Variants in SDHAF2 observed in about 807,000 individuals in gnomAD.
The protein encoded by SDHAF2 is succinate dehydrogenase assembly factor 2, mitochondrial.
In SDHAF2, 21 loss-of-function variants were observed where a neutral mutation model predicts 18.5. The observed-to-expected ratio is 1.13, with a 90% CI of 0.80 to 1.63. The LOEUF is 1.63. SDHAF2 is among the 40% of genes most tolerant of loss of function. SDHAF2 has a pLI of 0.00. For missense variants in SDHAF2, 195 were observed against 200.3 expected (o/e 0.97, Z 0.16); for synonymous variants, 84 against 70.7 (o/e 1.19, Z -0.94).
intron 3 of SDHAF2, among the ~76,000 whole-genome samples, chr11:61,439,693 C>G (rs1347246098): frequency 6.6e-6 from 1 of 152,234 alleles, no homozygotes; most frequent in Non-Finnish European, 1.5e-5. Context: ...CAAATATTTA[C>G]TCTCCAACCC....
At chr11:61,439,455 A>C (rs181452809) in intron 3 of SDHAF2, among the ~76,000 whole-genome samples, 2 of 152,346 alleles carry the variant, frequency 1.3e-5, no homozygotes, top group East Asian at 3.9e-4. Flanking sequence ...AAGGAAAAAT[A>C]ATATAGTCTA....
chr11:61,444,774 C>T (rs1481403890), intron 3 of SDHAF2, among the ~76,000 whole-genome samples: 20 of 152,068 alleles, frequency 1.3e-4, no homozygotes, highest in Admixed American at 1.3e-3. Context: ...AGCTGAATTC[C>T]TTTTACCCAT....
intron 3 of SDHAF2, 163 bp downstream of exon 3, chr11:61,438,276 T>G (rs1469190339): frequency 4.5e-6 from 3 of 671,860 alleles, no homozygotes; most frequent in Non-Finnish European, 8.0e-6. Flanking sequence ...CTCGGCTCAC[T>G]GCAACCTCTA....
intron 1 of SDHAF2, chr11:61,431,616 CTT>C (rs1565126506): frequency 6.6e-6 from 1 of 152,150 alleles, no homozygotes; most frequent in African/African-American, 2.4e-5. Flanking sequence ...TAAAATGTCT[CTT>C]GTGCGGCATA....
intron 3 of SDHAF2, among the ~76,000 whole-genome samples, chr11:61,445,151 T>C (rs1016859541): frequency 6.6e-6 from 1 of 152,150 alleles, no homozygotes; most frequent in African/African-American, 2.4e-5. Context: ...TCGTACCTAG[T>C]GTTGGTGGAA....
intron 1 of SDHAF2, 64 bp downstream of exon 1, chr11:61,430,246 T>C (rs1861845346): frequency 6.3e-7 from 1 of 1,599,668 alleles, no homozygotes; most frequent in South Asian, 1.1e-5. Flanking sequence ...TTTGTCTTCC[T>C]CTGTGGTCTC....
Position 61,446,479 on chromosome 11 carries a change from C to T in SDHAF2, c.*408C>T, listed in dbSNP as rs750356360. The T allele has an allele frequency of 6.9e-5, 36 of 520,626 alleles. No individual in the cohort carries two copies. The highest frequency in any genetic ancestry group is 9.8e-5 in the Non-Finnish European group (29 of 296,938). The allele number at this position is 520,626 out of a possible 1,614,324, so 32.3% of individuals were successfully genotyped here. ...GCCTCCCGCCCTCCCTGCAGCTCCC[C>T]GCCCTCAGTGGCCCAGGGCTTTGTT... is the stretch of plus-strand genomic sequence containing the variant. On this transcript the variant is annotated 3_prime_UTR_variant, in exon 4 of 4. Transcript: ENST00000301761.
At chr11:61,437,489 A>C in intron 1 of SDHAF2, 136 bp from the exon 2 acceptor site, 1 of 842,856 alleles carries the variant, frequency 1.2e-6, no homozygotes, top group Non-Finnish European at 2.1e-6. Context: ...GGTGTGCGCC[A>C]CCACGCCTGG....
chr11:61,439,001 A>C (rs1347679739), intron 3 of SDHAF2, among the ~76,000 whole-genome samples: 1 of 152,038 alleles, frequency 6.6e-6, no homozygotes, highest in Admixed American at 6.6e-5. Context: ...CTGAGATTGC[A>C]CCACTGCACT....
chr11:61,430,253 T>G, intron 1 of SDHAF2, 71 bp downstream of exon 1: 1 of 1,596,128 alleles, frequency 6.3e-7, no homozygotes, highest in Non-Finnish European at 8.6e-7. Flanking sequence ...TCCTCTGTGG[T>G]CTCTATCTTG....
intron 3 of SDHAF2, among the ~76,000 whole-genome samples, chr11:61,441,142 G>A (rs187960405): frequency 3.4e-4 from 52 of 152,210 alleles, no homozygotes; most frequent in African/African-American, 8.9e-4. Context: ...CTATGATCAC[G>A]CCACTGCATT....
At chr11:61,438,894 A>C (rs1862030513) in intron 3 of SDHAF2, among the ~76,000 whole-genome samples, 1 of 152,140 alleles carries the variant, frequency 6.6e-6, no homozygotes, top group South Asian at 2.1e-4. Context: ...AAATTCAAAA[A>C]TTAGCCGAAC....
intron 3 of SDHAF2, 91 bp downstream of exon 3, chr11:61,438,204 CT>C (rs5792226): frequency 3.2e-3 from 2,322 of 726,948 alleles, no homozygotes; most frequent in Non-Finnish European, 3.8e-3. Flanking sequence ...TTTTTTCTTT[CT>C]TTTTTTTTTT....
intron 3 of SDHAF2, among the ~76,000 whole-genome samples, chr11:61,441,887 C>T (rs1244197492): frequency 7.8e-5 from 11 of 140,716 alleles, no homozygotes; most frequent in Admixed American, 5.7e-4. Flanking sequence ...CCACTCCTCC[C>T]TTTTTTTTTT....
chr11:61,445,571 A>C (rs903467407), intron 3 of SDHAF2, among the ~76,000 whole-genome samples: 8 of 152,240 alleles, frequency 5.3e-5, no homozygotes, highest in Admixed American at 4.6e-4. Context: ...GCAAAGCAAA[A>C]TAGTACAGCC....
intron 3 of SDHAF2, among the ~76,000 whole-genome samples, chr11:61,441,963 A>AGGCTCCACCTCCTG (rs1862072420): frequency 6.7e-6 from 1 of 149,684 alleles, no homozygotes; most frequent in Non-Finnish European, 1.5e-5. Context: ...GGCTCAGTGC[A>AGGCTCCACCTCCTG]GGCTCCACCT....
At chr11:61,445,020 G>A (rs59333604) in intron 3 of SDHAF2, among the ~76,000 whole-genome samples, 3,776 of 152,220 alleles carry the variant, frequency 0.025, 84 homozygotes, top group South Asian at 0.074. Context: ...CTTGGGGGAA[G>A]CCAAAACCTC....
At chr11:61,434,783 G>A (rs1185524902) in intron 1 of SDHAF2, 2 of 142,168 alleles carry the variant, frequency 1.4e-5, no homozygotes, top group Non-Finnish European at 3.0e-5. Flanking sequence ...AGGCTGGAGT[G>A]CAGTGGCACG....
chr11:61,432,379 A>G (rs1271497549), intron 1 of SDHAF2: 2 of 152,190 alleles, frequency 1.3e-5, no homozygotes, highest in Non-Finnish European at 2.9e-5. Context: ...TAGTATTTGC[A>G]TATAATCTAC....
Sources: gnomAD v4.1 joint callset for allele counts (sites outside exome capture counted in the v4.1 genomes callset) on GRCh38, gnomAD v4.1.1 for gene constraint, MANE v1.5 for transcripts, NCBI Gene and HGNC (gene_info 2026-07-23, HGNC 2026-07-21) for gene names.